The following AK8 variants were observed in gnomAD, a reference collection of about 807,000 sequenced individuals.
The protein encoded by AK8 is ATP-AMP transphosphorylase 8.
Under a neutral mutation model 54.6 loss-of-function variants are expected in AK8, and 44 were observed. The observed-to-expected ratio is 0.81, with a 90% CI of 0.63 to 1.04. The LOEUF is 1.04. AK8 is among the 50% of genes least tolerant of loss of function. The probability of loss-of-function intolerance (pLI) is 0.00; values close to 1 mark genes in which losing one functional copy is unlikely to be tolerated. For synonymous variants in AK8, 239 were observed against 245.6 expected (o/e 0.97, Z 0.25); for missense variants, 555 against 613.6 (o/e 0.90, Z 1.01).
intron 5 of AK8, among the ~76,000 whole-genome samples, chr9:132,848,115 C>CAAAAAAA (rs796764891): frequency 0.018 from 953 of 52,462 alleles, 120 homozygotes; most frequent in Non-Finnish European, 0.026. Context: ...CACCCTGTTT[C>CAAAAAAA]AAAAAAAAAA....
At chr9:132,738,003 C>T (rs966110877) in intron 11 of AK8, among the ~76,000 whole-genome samples, 4 of 151,950 alleles carry the variant, frequency 2.6e-5, no homozygotes, top group Admixed American at 1.3e-4. Flanking sequence ...TCATTCCTGG[C>T]ATGTGCTAAG....
intron 5 of AK8, among the ~76,000 whole-genome samples, chr9:132,836,378 G>A (rs906953440): frequency 2.0e-5 from 3 of 152,154 alleles, no homozygotes; most frequent in African/African-American, 7.2e-5. Context: ...TTTTGAGAAA[G>A]GTGAACGATC....
At chr9:132,865,024 T>C (rs187029802) in intron 3 of AK8, among the ~76,000 whole-genome samples, 2,298 of 152,282 alleles carry the variant, frequency 0.015, 138 homozygotes, top group Admixed American at 0.11. Flanking sequence ...TTTGGGGCTC[T>C]GCTCCAGGAG....
At chr9:132,746,100 T>G (rs1406227974) in intron 11 of AK8, among the ~76,000 whole-genome samples, 1 of 152,062 alleles carries the variant, frequency 6.6e-6, no homozygotes, top group Non-Finnish European at 1.5e-5. Context: ...GTGCACTCTG[T>G]GGGGAGCAGG....
Position 132,781,126 on chromosome 9 carries a change from T to G in AK8, c.1121+11508A>C, listed in dbSNP as rs1839449708. Among the ~76,000 whole-genome samples the G allele has an allele frequency of 6.6e-6, 1 of 152,220 alleles. No homozygotes were observed. Among genetic ancestry groups the G allele is most frequent in the Non-Finnish European group, 1.5e-5 (1 of 68,026 alleles). ...TTTACAGCCAGGCAGAGGGCAGGTT[T>G]CTGGATGCAGCCATGAACATAGTTC... On this transcript the variant is annotated intron_variant, in intron 11 of 12. Transcript: ENST00000298545. This position sits in a 1 kb window ranked among gnomAD's most constrained non-coding sequence, Gnocchi z 4.6.
intron 2 of AK8, among the ~76,000 whole-genome samples, chr9:132,867,978 G>A (rs1588236828): frequency 2.0e-5 from 3 of 152,222 alleles, no homozygotes; most frequent in African/African-American, 7.2e-5. Context: ...CAGCAGTGGG[G>A]TCTGGACAGA....
chr9:132,820,170 G>C (rs957780190), intron 9 of AK8, among the ~76,000 whole-genome samples: 2 of 138,410 alleles, frequency 1.4e-5, no homozygotes, highest in African/African-American at 5.5e-5. Context: ...AAAAGACAAA[G>C]GGAAGGAAGG....
intron 1 of AK8, 177 bp downstream of exon 1, chr9:132,877,995 C>A (rs45610335): frequency 6.8e-7 from 1 of 1,480,872 alleles, no homozygotes; most frequent in East Asian, 2.5e-5. Flanking sequence ...CCAGGAGCGT[C>A]CCCAGCTCGA....
At chr9:132,763,489 C>G (rs1170656496) in intron 11 of AK8, among the ~76,000 whole-genome samples, 1 of 152,184 alleles carries the variant, frequency 6.6e-6, no homozygotes, top group Non-Finnish European at 1.5e-5. Context: ...CTAAAGGTTG[C>G]TTTATACACA....
intron 10 of AK8, among the ~76,000 whole-genome samples, chr9:132,811,375 G>A (rs1168849294): frequency 2.0e-5 from 3 of 152,210 alleles, no homozygotes; most frequent in African/African-American, 7.2e-5. Context: ...AGGTGTGATA[G>A]CAGAAGCAGA....
intron 5 of AK8, among the ~76,000 whole-genome samples, chr9:132,847,005 G>A (rs1842778705): frequency 6.6e-6 from 1 of 152,230 alleles, no homozygotes; most frequent in South Asian, 2.1e-4. Context: ...ATAGAGAGCT[G>A]GAGCAGAGGC....
intron 11 of AK8, among the ~76,000 whole-genome samples, chr9:132,761,261 T>TTC (rs1838452836): frequency 7.2e-6 from 1 of 138,722 alleles, no homozygotes; most frequent in African/African-American, 3.1e-5. Context: ...TTTCTTTTCT[T>TTC]TTCTTTTCTT....
At chr9:132,736,517 G>C (rs1837122582) in intron 11 of AK8, among the ~76,000 whole-genome samples, 1 of 150,628 alleles carries the variant, frequency 6.6e-6, no homozygotes, top group African/African-American at 2.4e-5. Flanking sequence ...TAAAATTTGG[G>C]CTGGGCGCGG....
chr9:132,878,459 G>A, upstream of AK8: 4 of 1,222,852 alleles, frequency 3.3e-6, no homozygotes, highest in Middle Eastern at 3.2e-4. This position sits in a 1 kb window ranked among gnomAD's most constrained non-coding sequence, Gnocchi z 4.7. Flanking sequence ...CCCAACCCCG[G>A]CCTCGCTTTT....
rs773398661 is a variant in AK8, at chr9:132,826,933, G to A, written c.678C>T (p.Ile226=). 14 of 1,614,118 alleles carry A rather than the reference G, an allele frequency of 8.7e-6. No individual in the cohort carries two copies. Among genetic ancestry groups the A allele is most frequent in the South Asian group, 5.5e-5 (5 of 91,090 alleles). ...TGGGGTAGGAGGGAATGACCCTGAC[G>A]ATGTTCCTATGATACTCCAGCAGTT... is the stretch of plus-strand genomic sequence containing the variant. The part of the protein sequence containing the change: ...AQKLLEYHRN[I]VRVIPSYPKI... Residue 226 remains isoleucine, a synonymous_variant, in exon 8 of 13, where the codon ATC becomes ATT. Coordinates refer to ENST00000298545, the MANE Select transcript of AK8 (RefSeq NM_152572.3). The surrounding 1 kb of genome is among the most constrained non-coding windows in gnomAD (Gnocchi z 4.5).
At chr9:132,736,639 G>A (rs1305006394) in intron 11 of AK8, among the ~76,000 whole-genome samples, 1 of 151,582 alleles carries the variant, frequency 6.6e-6, no homozygotes, top group Non-Finnish European at 1.5e-5. Context: ...CAAAACATTA[G>A]CCAGGCATGG....
chr9:132,773,673 TCA>T (rs923818459), intron 11 of AK8, among the ~76,000 whole-genome samples: 1 of 152,208 alleles, frequency 6.6e-6, no homozygotes, highest in African/African-American at 2.4e-5. Flanking sequence ...CTGACCAGCA[TCA>T]CACAGCCCAT....
At chr9:132,797,032 C>T (rs1461078344) in intron 10 of AK8, among the ~76,000 whole-genome samples, 7 of 152,158 alleles carry the variant, frequency 4.6e-5, no homozygotes, top group Admixed American at 3.9e-4. Context: ...AGGGAATGCT[C>T]ACGCTGGTTC....
At chr9:132,823,823 T>C (rs1348686750) in intron 8 of AK8, among the ~76,000 whole-genome samples, 1 of 152,224 alleles carries the variant, frequency 6.6e-6, no homozygotes, top group Non-Finnish European at 1.5e-5. Flanking sequence ...CAGGCTTTGA[T>C]AAACGCATCC....
Sources: allele counts gnomAD v4.1 joint callset (sites outside exome capture counted in the v4.1 genomes callset), GRCh38; gene constraint gnomAD v4.1.1; non-coding constraint Gnocchi (gnomAD v3.1); transcripts MANE v1.5; gene names NCBI Gene and HGNC (gene_info 2026-07-23, HGNC 2026-07-21).